OPALIN: variants seen among roughly 807,000 people sequenced by gnomAD.
The protein encoded by OPALIN is transmembrane protein 10.
In OPALIN, 15 loss-of-function variants were observed where a neutral mutation model predicts 17.8. The observed-to-expected ratio is 0.84, with a 90% confidence interval of 0.56 to 1.29. The LOEUF (loss-of-function observed/expected upper bound fraction) is 1.29. OPALIN is among the 50% of genes most tolerant of loss of function. The probability of loss-of-function intolerance (pLI) is 0.00; values close to 1 mark genes in which losing one functional copy is unlikely to be tolerated. For synonymous variants in OPALIN, 62 were observed against 63.8 expected (o/e 0.97, Z 0.14); for missense variants, 170 against 176.0 (o/e 0.97, Z 0.19).
rs368645607 is a variant in OPALIN at position 96,349,798 on chromosome 10, G to A, written c.101C>T (p.Ala34Val). ...TGTGGCCACCAGCAATGGTATGCCC[G>A]CCGCTAATCCAAGAGAGGGCCCACA... ...TDCGPSLGLA[A>V]GIPLLVATAL... The change falls in exon 4 of 6, where the codon GCG becomes GTG. Residue 34 changes from alanine (A) to valine (V), a missense_variant. Physicochemically the swap from Ala to Val is moderately conservative, Grantham distance 64. Transcript: ENST00000371172. The A allele has an allele frequency of 3.2e-4, 509 of 1,613,426 alleles. 4 individuals carry two copies. The South Asian group carries it at 5.2e-3, about 17-fold the overall frequency.
chr10:96,346,724 T>C (rs927275343), intron 5 of OPALIN, among the ~76,000 whole-genome samples: 1 of 152,256 alleles, frequency 6.6e-6, no homozygotes, highest in African/African-American at 2.4e-5. Context: ...ACATCTGTTA[T>C]ATAGATCAAC....
At chr10:96,353,978 C>T (rs1178385734) in intron 2 of OPALIN, among the ~76,000 whole-genome samples, 1 of 152,160 alleles carries the variant, frequency 6.6e-6, no homozygotes, top group South Asian at 2.1e-4. Context: ...CAATAAGTCA[C>T]AATGTTCTAA....
At position 96,349,376 on chromosome 10, in the gene OPALIN, G is replaced by A. The variant is rs149731955; in HGVS notation, c.192+331C>T. On this transcript the variant is annotated intron_variant, in intron 4 of 5. Transcript: ENST00000371172. ...CATCCTTTCTTTGTGAAGCTTGTGC[G>A]CTTTTGTTTCTCAACTTTAGAAAGC... 9.3e-3 allele frequency among the ~76,000 whole-genome samples: 1,416 copies of A among 152,186 alleles called. 11 individuals are homozygous for A. The highest frequency in any genetic ancestry group is 0.012 in the Non-Finnish European group (832 of 68,006).
intron 1 of OPALIN, 131 bp downstream of exon 1, chr10:96,358,763 T>A (rs1845907483): frequency 1.4e-5 from 13 of 941,922 alleles, no homozygotes; most frequent in Non-Finnish European, 2.2e-5. Context: ...AAAAAATTAT[T>A]GGTATTTTGC....
In OPALIN at chr10:96,358,986, A is replaced by G. The variant is rs549286256; in HGVS notation, c.-90T>C. 6.8e-7 allele frequency: 1 copy of G among 1,472,822 alleles called. No homozygotes were observed. Among genetic ancestry groups the G allele is most frequent in the East Asian group, 2.3e-5 (1 of 44,190 alleles). The allele number at this position is 1,472,822 out of a possible 1,614,324, so 91.2% of individuals were successfully genotyped here. A position where few individuals can be genotyped will look rare whatever the true frequency, so the allele number is the denominator to read the frequency against. ...TTATTGGCTTGTGTCTTTCATTTGT[A>G]GGAACAGTTAACTGACAAAGCTGCA... On this transcript the variant is annotated 5_prime_UTR_variant, in exon 1 of 6. Coordinates refer to ENST00000371172, the MANE Select transcript of OPALIN (RefSeq NM_033207.5).
At chr10:96,356,735 A>T (rs1419029532) in intron 1 of OPALIN, among the ~76,000 whole-genome samples, 1 of 152,124 alleles carries the variant, frequency 6.6e-6, no homozygotes, top group African/African-American at 2.4e-5. Context: ...TTTTGCCCCA[A>T]ATATTATGTC....
intron 3 of OPALIN, 147 bp downstream of exon 3, chr10:96,351,231 G>T: frequency 1.7e-6 from 1 of 604,428 alleles, no homozygotes; most frequent in African/African-American, 2.0e-5. Flanking sequence ...CCTCACTTTT[G>T]AGCGGAGCTG....
intron 5 of OPALIN, among the ~76,000 whole-genome samples, chr10:96,347,413 C>T (rs540783133): frequency 1.3e-5 from 2 of 151,306 alleles, no homozygotes; most frequent in South Asian, 2.1e-4. Context: ...TTTTCTATGT[C>T]GACAATCATA....
At chr10:96,358,555 C>A (rs1845900896) in intron 1 of OPALIN, among the ~76,000 whole-genome samples, 1 of 152,256 alleles carries the variant, frequency 6.6e-6, no homozygotes, top group African/African-American at 2.4e-5. Flanking sequence ...CAATGATGAC[C>A]ATCCATGTTG....
At chr10:96,357,282 G>T (rs79260689) in intron 1 of OPALIN, 37,947 of 344,020 alleles carry the variant, frequency 0.11, 2,479 homozygotes, top group South Asian at 0.18. Context: ...GTGGGCCATT[G>T]CATGTGTTGT....
chr10:96,355,983 T>C (rs1383684972), intron 1 of OPALIN, among the ~76,000 whole-genome samples: 1 of 152,218 alleles, frequency 6.6e-6, no homozygotes, highest in Non-Finnish European at 1.5e-5. Flanking sequence ...GGCTCCTTTC[T>C]CCTCCCTGTC....
rs1169211475 is a variant in OPALIN, at chr10:96,345,809, A to G, written c.*132T>C. On this transcript the variant is annotated 3_prime_UTR_variant, in exon 6 of 6. Transcript: ENST00000371172. The stretch of plus-strand genomic sequence containing the variant: ...CCCCTAAAGAGACAAATCAGCCCCA[A>G]AGTGTTCCAGAGCTGTAAATGAAAT... The G allele has an allele frequency of 3.6e-6, 3 of 823,012 alleles. No individual in the cohort carries two copies. In the East Asian group the frequency reaches 7.6e-5, roughly 21 times the overall value. 51.0% of individuals were successfully genotyped at this position (823,012 alleles called of 1,614,324 possible).
At chr10:96,357,285 T>C (rs1260673612) in intron 1 of OPALIN, 1 of 323,210 alleles carries the variant, frequency 3.1e-6, no homozygotes, top group Non-Finnish European at 4.5e-6. Flanking sequence ...GGCCATTGCA[T>C]GTGTTGTTTA....
chr10:96,344,170 C>G lies in OPALIN; in HGVS notation c.*1771G>C, dbSNP rs1447368580. ...GACTTGGTTCTTTTCTCCAAGTAGA[C>G]TTGGTTCTACTCCACAGAGTAGATA... On this transcript the variant is annotated 3_prime_UTR_variant, in exon 6 of 6. Transcript: ENST00000371172. 1 of 152,196 alleles carries G rather than the reference C, an allele frequency of 6.6e-6. No individual in the cohort carries two copies. Among genetic ancestry groups the G allele is most frequent in the Non-Finnish European group, 1.5e-5 (1 of 68,058 alleles). 9.4% of individuals were successfully genotyped at this position (152,196 alleles called of 1,614,324 possible).
At chr10:96,348,462 A>G (rs1436225585) in intron 4 of OPALIN, 117 bp from the exon 5 acceptor site, 1 of 530,686 alleles carries the variant, frequency 1.9e-6, no homozygotes, top group Non-Finnish European at 3.2e-6. Context: ...GTACATTAAA[A>G]CAAACAAAAC....
chr10:96,352,933 G>T (rs147768812), intron 2 of OPALIN, among the ~76,000 whole-genome samples: 1 of 152,258 alleles, frequency 6.6e-6, no homozygotes, highest in Non-Finnish European at 1.5e-5. Context: ...CCTGCTAATT[G>T]TACCAGCTAA....
intron 1 of OPALIN, among the ~76,000 whole-genome samples, chr10:96,358,180 T>C (rs187409726): frequency 4.7e-4 from 37 of 78,674 alleles, no homozygotes; most frequent in Middle Eastern, 0.017. Context: ...TTAACAATGC[T>C]TTTTGTAAAA....
At position 96,350,941 on chromosome 10, in the gene OPALIN, A is replaced by G. The variant is rs548816605; in HGVS notation, c.72+437T>C. Among the ~76,000 whole-genome samples the G allele has an allele frequency of 5.5e-3, 833 of 152,118 alleles. 6 individuals carry two copies. Among genetic ancestry groups the G allele is most frequent in the African/African-American group, 0.018 (759 of 41,494 alleles). On this transcript the variant is annotated intron_variant, in intron 3 of 5. Coordinates refer to ENST00000371172, the MANE Select transcript of OPALIN (RefSeq NM_033207.5). ...ATTTTATTGAAGAATAATAAAGTATATGAATCACAAATATATAAGTGGATG... is the reference window on the plus strand; with the variant it reads ...ATTTTATTGAAGAATAATAAAGTATGTGAATCACAAATATATAAGTGGATG...
intron 2 of OPALIN, among the ~76,000 whole-genome samples, chr10:96,351,931 T>C (rs979382148): frequency 1.3e-5 from 2 of 152,248 alleles, no homozygotes; most frequent in Non-Finnish European, 1.5e-5. Context: ...CAATGAGTTA[T>C]TGGATTTCAC....
Sources: allele counts gnomAD v4.1 joint callset (sites outside exome capture counted in the v4.1 genomes callset), GRCh38; gene constraint gnomAD v4.1.1; transcripts MANE v1.5; gene names NCBI Gene and HGNC (gene_info 2026-07-23, HGNC 2026-07-21).